Variants in PPP1R12A observed in about 807,000 individuals in gnomAD.
The protein encoded by PPP1R12A is protein phosphatase 1 regulatory subunit 12A, also known as myosin binding subunit.
Under a neutral mutation model 139.6 loss-of-function variants are expected in PPP1R12A, and 19 were observed. The observed-to-expected ratio is 0.14, with a 90% CI of 0.09 to 0.20. PPP1R12A has a LOEUF of 0.20. Among genes scored for constraint, PPP1R12A ranks in the 10% least tolerant of loss-of-function variants. PPP1R12A has a pLI of 1.00. For missense variants in PPP1R12A, 925 were observed against 1,211.5 expected (o/e 0.76, Z 3.51); for synonymous variants, 427 against 420.6 (o/e 1.02, Z -0.19).
At chr12:79,815,527 A>G (rs1875253024) in intron 9 of PPP1R12A, among the ~76,000 whole-genome samples, 1 of 151,842 alleles carries the variant, frequency 6.6e-6, no homozygotes, top group Non-Finnish European at 1.5e-5. Flanking sequence ...TCAAAAAGAA[A>G]AAAAAAAAAA....
chr12:79,825,540 A>T (rs1176438895), intron 5 of PPP1R12A: 3 of 152,032 alleles, frequency 2.0e-5, no homozygotes, highest in African/African-American at 7.2e-5. Flanking sequence ...TGAAATCTCT[A>T]AATATTTTTA....
At chr12:79,898,361 C>A (rs932769289) in intron 1 of PPP1R12A, among the ~76,000 whole-genome samples, 2 of 152,114 alleles carry the variant, frequency 1.3e-5, no homozygotes, top group African/African-American at 4.8e-5. Flanking sequence ...GAGGCTGAGG[C>A]AGAAGAACTG....
chr12:79,873,036 TATAA>T, intron 1 of PPP1R12A, 98 bp from the exon 2 acceptor site: 1 of 1,234,484 alleles, frequency 8.1e-7, no homozygotes, highest in South Asian at 1.5e-5. Flanking sequence ...GCTTTTATAA[TATAA>T]ATATTCTCTG....
chr12:79,817,279 A>G (rs1430038931), intron 9 of PPP1R12A, 115 bp downstream of exon 9: 1 of 937,276 alleles, frequency 1.1e-6, no homozygotes, highest in Non-Finnish European at 1.5e-6. Context: ...TTATATTCTG[A>G]AATCTTACAT....
rs1178285078 is a variant in PPP1R12A, at chr12:79,857,429, T to C, written c.369-12009A>G. Among the ~76,000 whole-genome samples, 8 of 150,500 alleles carry C rather than the reference T, an allele frequency of 5.3e-5. No homozygotes were observed. The East Asian group carries it at 1.4e-3, about 26-fold the overall frequency. On this transcript the variant is annotated intron_variant, in intron 2 of 24. Transcript: ENST00000450142. ...GGGGAACATCACACTCTGGGGACTG[T>C]TGTGGGGTGGGGGGAAGGGGGAGGG...
At chr12:79,808,722 C>T in intron 10 of PPP1R12A, 145 bp from the exon 11 acceptor site, 1 of 428,532 alleles carries the variant, frequency 2.3e-6, no homozygotes, top group South Asian at 6.7e-5. Flanking sequence ...TAGCTGAACT[C>T]TAAAATTAAT....
intron 3 of PPP1R12A, among the ~76,000 whole-genome samples, chr12:79,843,479 G>A (rs1450256559): frequency 6.6e-6 from 1 of 151,808 alleles, no homozygotes; most frequent in Non-Finnish European, 1.5e-5. Context: ...TCGGGAGGCT[G>A]AGGCAAGGAG....
intron 3 of PPP1R12A, among the ~76,000 whole-genome samples, chr12:79,835,771 C>T (rs939116347): frequency 6.6e-6 from 1 of 152,174 alleles, no homozygotes; most frequent in African/African-American, 2.4e-5. Context: ...TTAACTTCAT[C>T]TATAGTCTTT....
chr12:79,808,448 T>G, intron 11 of PPP1R12A, 35 bp downstream of exon 11: 1 of 1,363,334 alleles, frequency 7.3e-7, no homozygotes, highest in South Asian at 1.2e-5. Flanking sequence ...AAAGATTTTA[T>G]AGTGAATGCA....
chr12:79,898,685 T>C (rs764367115), intron 1 of PPP1R12A, among the ~76,000 whole-genome samples: 41 of 152,122 alleles, frequency 2.7e-4, no homozygotes, highest in Non-Finnish European at 4.4e-4. Flanking sequence ...CATGTTGCAA[T>C]ATTTTGCCCT....
intron 1 of PPP1R12A, among the ~76,000 whole-genome samples, chr12:79,877,967 C>T (rs758611361): frequency 1.3e-5 from 2 of 151,324 alleles, no homozygotes; most frequent in Admixed American, 6.6e-5. Context: ...TCTTTTAAAC[C>T]GAAAAATATC....
intron 15 of PPP1R12A, 59 bp downstream of exon 15, chr12:79,798,435 G>C: frequency 9.0e-7 from 1 of 1,107,662 alleles, no homozygotes; most frequent in East Asian, 2.6e-5. Context: ...GTCAGTGTGT[G>C]TATATATATT....
rs575522755 is a variant in PPP1R12A, at chr12:79,907,599, G to A, written c.237+27096C>T. Among the ~76,000 whole-genome samples the A allele has an allele frequency of 3.0e-4, 46 of 152,250 alleles. No homozygotes were observed. The Middle Eastern group carries it at 0.01, about 34-fold the overall frequency. On this transcript the variant is annotated intron_variant, in intron 1 of 24. Coordinates refer to ENST00000450142, the MANE Select transcript of PPP1R12A (RefSeq NM_002480.3). ...CTGGGCTTAACCTAACTTTATTACT[G>A]TTTATAAAAATAAATCTGTTCAGGC...
intron 1 of PPP1R12A, among the ~76,000 whole-genome samples, chr12:79,883,159 CAA>C (rs965308728): frequency 1.3e-5 from 2 of 151,500 alleles, no homozygotes; most frequent in African/African-American, 4.9e-5. Flanking sequence ...CAAAACAAAA[CAA>C]AAAAAACCCT....
intron 20 of PPP1R12A, 32 bp from the exon 21 acceptor site, chr12:79,788,815 G>C (rs1461848529): frequency 2.6e-6 from 4 of 1,529,810 alleles, no homozygotes; most frequent in Non-Finnish European, 3.5e-6. Flanking sequence ...AAAAAACCTT[G>C]TTATAGGCTT....
At chr12:79,797,091 A>G (rs1036635669) in intron 16 of PPP1R12A, 104 bp downstream of exon 16, 65 of 1,340,046 alleles carry the variant, frequency 4.9e-5, no homozygotes, top group Non-Finnish European at 6.2e-5. Context: ...AATCCTTTAC[A>G]GTATTTTGCA....
At chr12:79,866,470 A>G (rs772259873) in intron 2 of PPP1R12A, among the ~76,000 whole-genome samples, 1 of 152,246 alleles carries the variant, frequency 6.6e-6, no homozygotes, top group Non-Finnish European at 1.5e-5. Flanking sequence ...AAATTGACAA[A>G]TGGGATCTAA....
intron 1 of PPP1R12A, among the ~76,000 whole-genome samples, chr12:79,883,292 A>G (rs1334034672): frequency 1.3e-5 from 2 of 152,178 alleles, no homozygotes; most frequent in East Asian, 3.9e-4. Context: ...TAAAGATATA[A>G]TGCTACATTA....
chr12:79,823,233 T>A lies in PPP1R12A; in HGVS notation c.793-1043A>T, dbSNP rs143361576. The stretch of plus-strand genomic sequence containing the variant: ...GTTTCCAGGATGCTTACAAGTTCAT[T>A]ATTTAGAATACAGTCTTCTTTGTAT... On this transcript the variant is annotated intron_variant, in intron 5 of 24. Transcript: ENST00000450142. 2.5e-3 allele frequency among the ~76,000 whole-genome samples: 375 copies of A among 152,214 alleles called. 2 individuals carry two copies. Among genetic ancestry groups the A allele is most frequent in the African/African-American group, 7.5e-3 (313 of 41,532 alleles).
Sources: allele counts gnomAD v4.1 joint callset (sites outside exome capture counted in the v4.1 genomes callset), GRCh38; gene constraint gnomAD v4.1.1; transcripts MANE v1.5; gene names NCBI Gene and HGNC (gene_info 2026-07-23, HGNC 2026-07-21).